Variants in LRFN5 observed in about 807,000 individuals in gnomAD.
The protein encoded by LRFN5 is leucine-rich repeat and fibronectin type-III domain-containing protein 5.
LRFN5 carries 24 observed loss-of-function variants against 45.6 expected under a neutral mutation model. That is an observed-to-expected ratio of 0.53 (90% CI 0.38 to 0.74). LRFN5 has a LOEUF of 0.74. Among genes scored for constraint, LRFN5 ranks in the 30% least tolerant of loss-of-function variants. The pLI is 0.00. For missense variants in LRFN5, 776 were observed against 861.5 expected, an observed-to-expected ratio of 0.90 and a Z score of 1.24; for synonymous variants, 340 against 313.8, an observed-to-expected ratio of 1.08 and a Z score of -0.88.
At chr14:41,846,736 T>C (rs1431037067) in intron 2 of LRFN5, among the ~76,000 whole-genome samples, 2 of 152,200 alleles carry the variant, frequency 1.3e-5, no homozygotes, top group African/African-American at 4.8e-5. Context: ...TGTTCCTTTC[T>C]GTAGGATGTA....
chr14:41,814,303 T>G (rs1345639437), intron 2 of LRFN5, among the ~76,000 whole-genome samples: 3 of 152,188 alleles, frequency 2.0e-5, no homozygotes, highest in Admixed American at 2.0e-4. Context: ...TAATCCTTTC[T>G]TATTATGACC....
chr14:41,792,270 A>C (rs2138946783), intron 2 of LRFN5, among the ~76,000 whole-genome samples: 1 of 152,224 alleles, frequency 6.6e-6, no homozygotes, highest in South Asian at 2.1e-4. Flanking sequence ...TTCTGAGGGA[A>C]CAGGACGAAA....
intron 1 of LRFN5, among the ~76,000 whole-genome samples, chr14:41,696,922 A>T (rs1882638313): frequency 6.6e-6 from 1 of 151,902 alleles, no homozygotes; most frequent in Non-Finnish European, 1.5e-5. Flanking sequence ...TTTGTTTTCT[A>T]ATGACATGCC....
At chr14:41,689,843 C>G (rs955930179) in intron 1 of LRFN5, among the ~76,000 whole-genome samples, 1 of 139,100 alleles carries the variant, frequency 7.2e-6, no homozygotes, top group Non-Finnish European at 1.5e-5. Flanking sequence ...TGCAGTGAGC[C>G]GAGATTGCGC....
chr14:41,659,752 C>T (rs771142652), intron 1 of LRFN5, among the ~76,000 whole-genome samples: 35 of 152,088 alleles, frequency 2.3e-4, no homozygotes, highest in Non-Finnish European at 4.1e-4. Context: ...TTCTAACTGG[C>T]GTGAGATGAT....
At chr14:41,761,584 A>G (rs1885672275) in intron 1 of LRFN5, among the ~76,000 whole-genome samples, 1 of 152,102 alleles carries the variant, frequency 6.6e-6, no homozygotes, top group Non-Finnish European at 1.5e-5. Flanking sequence ...TAGGCCTGAC[A>G]TTTACATTGT....
chr14:41,765,962 A>G (rs1212575022), intron 1 of LRFN5, among the ~76,000 whole-genome samples: 1 of 152,176 alleles, frequency 6.6e-6, no homozygotes, highest in Non-Finnish European at 1.5e-5. Context: ...ATATATCTTT[A>G]CAAGTGGAGG....
chr14:41,660,109 A>G (rs567572617), intron 1 of LRFN5, among the ~76,000 whole-genome samples: 3 of 151,980 alleles, frequency 2.0e-5, no homozygotes, highest in Non-Finnish European at 4.4e-5. Context: ...CGCTGCAACA[A>G]CTGCTTACTG....
chr14:41,825,252 G>A (rs964614788), intron 2 of LRFN5, among the ~76,000 whole-genome samples: 6 of 152,266 alleles, frequency 3.9e-5, no homozygotes, highest in African/African-American at 1.4e-4. Context: ...ACGCTTTTGC[G>A]CCAAGCCCCT....
At chr14:41,834,153 C>T (rs1490226384) in intron 2 of LRFN5, among the ~76,000 whole-genome samples, 1 of 152,122 alleles carries the variant, frequency 6.6e-6, no homozygotes, top group Non-Finnish European at 1.5e-5. Flanking sequence ...GTATGTGCCA[C>T]TTTTTCCCTA....
At chr14:41,861,664 G>C (rs1172108787) in intron 2 of LRFN5, among the ~76,000 whole-genome samples, 1 of 152,286 alleles carries the variant, frequency 6.6e-6, no homozygotes, top group African/African-American at 2.4e-5. Flanking sequence ...GCAAACGTTT[G>C]TTGGGTGAAT....
At chr14:41,874,310 C>T (rs1011569544) in intron 2 of LRFN5, among the ~76,000 whole-genome samples, 1 of 152,058 alleles carries the variant, frequency 6.6e-6, no homozygotes, top group Middle Eastern at 3.2e-3. Context: ...TGTTTTCTGG[C>T]CTTCACTGAG....
At chr14:41,765,370 A>C (rs1885844570) in intron 1 of LRFN5, among the ~76,000 whole-genome samples, 1 of 151,954 alleles carries the variant, frequency 6.6e-6, no homozygotes, top group South Asian at 2.1e-4. Flanking sequence ...AAAAAAAAAA[A>C]AAACAGGGCA....
At chr14:41,784,867 G>A (rs546433779) in intron 2 of LRFN5, among the ~76,000 whole-genome samples, 53 of 152,210 alleles carry the variant, frequency 3.5e-4, no homozygotes, top group African/African-American at 1.2e-3. Context: ...GATCTCAGGT[G>A]ATCTGTCAGC....
At chr14:41,766,328 A>C (rs112249931) in intron 1 of LRFN5, among the ~76,000 whole-genome samples, 7,008 of 152,240 alleles carry the variant, frequency 0.046, 546 homozygotes, top group African/African-American at 0.16. Context: ...TAAAAAATAA[A>C]TGGCATGCCT....
chr14:41,628,541 C>T (rs1888421263), intron 1 of LRFN5, among the ~76,000 whole-genome samples: 1 of 151,962 alleles, frequency 6.6e-6, no homozygotes, highest in South Asian at 2.1e-4. Flanking sequence ...GAGGGCCAGG[C>T]TGCAGCAAGC....
At chr14:41,693,761 C>A (rs1882480702) in intron 1 of LRFN5, among the ~76,000 whole-genome samples, 1 of 151,780 alleles carries the variant, frequency 6.6e-6, no homozygotes, top group African/African-American at 2.4e-5. Flanking sequence ...TATAACTTTT[C>A]TTTTTCTTGC....
chr14:41,623,995 A>G (rs1483937120), intron 1 of LRFN5, among the ~76,000 whole-genome samples: 2 of 152,094 alleles, frequency 1.3e-5, no homozygotes, highest in Non-Finnish European at 2.9e-5. Context: ...CCTATAGTGT[A>G]ATGTAACTAG....
At chr14:41,699,447 C>T (rs1720438993) in intron 1 of LRFN5, 1 of 152,002 alleles carries the variant, frequency 6.6e-6, no homozygotes, top group African/African-American at 2.4e-5. Flanking sequence ...AGAGATAGAA[C>T]AACATGTTAA....
Sources: allele counts gnomAD v4.1 joint callset (sites outside exome capture counted in the v4.1 genomes callset), GRCh38; gene constraint gnomAD v4.1.1; transcripts MANE v1.5; gene names NCBI Gene and HGNC (gene_info 2026-07-23, HGNC 2026-07-21).